ALMS1: variants seen among roughly 807,000 people sequenced by gnomAD.
The protein encoded by ALMS1 is centrosome-associated protein ALMS1.
In ALMS1, 271 loss-of-function variants were observed where a neutral mutation model predicts 352.2. The observed-to-expected ratio is 0.77, with a 90% CI of 0.70 to 0.85. ALMS1 has a LOEUF of 0.85. Among genes scored for constraint, ALMS1 ranks in the 40% least tolerant of loss-of-function variants. The pLI, the probability that ALMS1 is intolerant of heterozygous loss-of-function variation, is 0.00. For missense variants in ALMS1, 5,445 were observed against 4,870.7 expected (o/e 1.12, Z -3.51); for synonymous variants, 1,865 against 1,761.2 (o/e 1.06, Z -1.48).
chr2:73,408,889 T>TC, intron 2 of ALMS1, 142 bp downstream of exon 2: 1 of 781,100 alleles, frequency 1.3e-6, no homozygotes, highest in Non-Finnish European at 1.8e-6. Context: ...TTTTTTTTTT[T>TC]TAAGACAGGG....
At chr2:73,462,943 C>T (rs1296814154) in intron 9 of ALMS1, 1 of 151,954 alleles carries the variant, frequency 6.6e-6, no homozygotes, top group South Asian at 2.1e-4. Flanking sequence ...ACAGGAGCAC[C>T]CAGATTCATA....
rs566907791 is a variant in ALMS1 at position 73,437,906 on chromosome 2, C to G, written c.1432+5615C>G. Among the ~76,000 whole-genome samples the G allele has an allele frequency of 1.9e-4, 29 of 152,218 alleles. No individual in the cohort carries two copies. In the South Asian group the frequency reaches 5.8e-3, roughly 31 times the overall value. Reference sequence around the variant, plus strand: ...CCTCAGATTTCCATCCCATGCTAACCTGTGAAATTATTCAAACAAGCCAAT... The same window carrying G: ...CCTCAGATTTCCATCCCATGCTAACGTGTGAAATTATTCAAACAAGCCAAT... On this transcript the variant is annotated intron_variant, in intron 7 of 22. Coordinates refer to ENST00000613296, the MANE Select transcript of ALMS1 (RefSeq NM_001378454.1).
intron 7 of ALMS1, among the ~76,000 whole-genome samples, chr2:73,439,089 C>G (rs1572924613): frequency 7.5e-5 from 10 of 133,352 alleles, no homozygotes; most frequent in Admixed American, 7.5e-4. Flanking sequence ...TTTCTTCTTT[C>G]TTCTTTCTTT....
At chr2:73,420,583 C>A (rs1341347064) in intron 3 of ALMS1, among the ~76,000 whole-genome samples, 1 of 152,148 alleles carries the variant, frequency 6.6e-6, no homozygotes, top group South Asian at 2.1e-4. Context: ...CCATTTAATA[C>A]TAAAAAAGGC....
chr2:73,579,283 C>T (rs1675122050), intron 16 of ALMS1, among the ~76,000 whole-genome samples: 2 of 151,794 alleles, frequency 1.3e-5, no homozygotes, highest in Non-Finnish European at 2.9e-5. Context: ...TGGTCTTAAA[C>T]TCACGACCTC....
intron 10 of ALMS1, among the ~76,000 whole-genome samples, chr2:73,512,504 A>G (rs1673473883): frequency 6.6e-6 from 1 of 151,798 alleles, no homozygotes; most frequent in Non-Finnish European, 1.5e-5. Context: ...ATGCCCATTT[A>G]CTATCTATAT....
chr2:73,404,009 C>T (rs1018893714), intron 1 of ALMS1, among the ~76,000 whole-genome samples: 2 of 152,176 alleles, frequency 1.3e-5, no homozygotes, highest in Admixed American at 6.5e-5. Flanking sequence ...AAGTGATTCT[C>T]CTGCCTCAGC....
At position 73,473,208 on chromosome 2, in the gene ALMS1, A is replaced by G. The variant is rs937311336; in HGVS notation, c.7675-16426A>G. 2.0e-5 allele frequency among the ~76,000 whole-genome samples: 3 copies of G among 152,022 alleles called. No homozygotes were observed. In the South Asian group the frequency reaches 6.2e-4, roughly 32 times the overall value. On this transcript the variant is annotated intron_variant, in intron 9 of 22. Coordinates refer to ENST00000613296, the MANE Select transcript of ALMS1 (RefSeq NM_001378454.1). ...GATATAGTTGTAAACAGCCTGGCTT[A>G]GTGTTGATGGAATGCCCCAACACAG...
chr2:73,404,912 T>TTTTTTTTC (rs1670943120), intron 1 of ALMS1, among the ~76,000 whole-genome samples: 1 of 130,720 alleles, frequency 7.6e-6, no homozygotes, highest in African/African-American at 3.2e-5. Flanking sequence ...TTTTTTTTTT[T>TTTTTTTTC]TTTTTTTTTT....
rs567427897 is a variant in ALMS1 at position 73,559,663 on chromosome 2, A to C, written c.10384+521A>C. ...AACAGCCTACATAAGGAGAGAAAAG[A>C]GTCAAGGAGCTAAACTACCCATACT... On this transcript the variant is annotated intron_variant, in intron 15 of 22. Transcript: ENST00000613296. Among the ~76,000 whole-genome samples, 3 of 152,332 alleles carry C rather than the reference A, an allele frequency of 2.0e-5. No homozygotes were observed. In the East Asian group the frequency reaches 5.8e-4, roughly 29 times the overall value.
At chr2:73,601,638 T>C (rs1314921026) in intron 19 of ALMS1, among the ~76,000 whole-genome samples, 1 of 152,216 alleles carries the variant, frequency 6.6e-6, no homozygotes, top group Admixed American at 6.5e-5. Context: ...TAACCATAGA[T>C]GGTGCATCAC....
At chr2:73,407,494 T>C (rs535555093) in intron 1 of ALMS1, among the ~76,000 whole-genome samples, 6 of 152,188 alleles carry the variant, frequency 3.9e-5, no homozygotes, top group Non-Finnish European at 8.8e-5. Flanking sequence ...AAGGTGGAGT[T>C]ACTCACCAGA....
At chr2:73,551,634 C>G (rs1674437086) in intron 13 of ALMS1, among the ~76,000 whole-genome samples, 1 of 151,780 alleles carries the variant, frequency 6.6e-6, no homozygotes, top group Non-Finnish European at 1.5e-5. Context: ...TGGGGTTTCA[C>G]CATGTTGGCC....
chr2:73,432,530 A>G (rs1572919814), intron 7 of ALMS1, among the ~76,000 whole-genome samples: 1 of 147,862 alleles, frequency 6.8e-6, no homozygotes, highest in African/African-American at 2.7e-5. Context: ...GGCTGGTTCC[A>G]AGATCAAGTG....
Position 73,453,969 on chromosome 2 carries a change from C to A in ALMS1, c.7442C>A (p.Ala2481Glu). ...GGTAGCAGTGTAGATTCACTGGCTG[C>A]ACATGTGAAAAACCTTCTGCAATGT... ...GGGSSVDSLA[A>E]HVKNLLQCES... The change falls in exon 8 of 23, where the codon GCA (alanine) becomes GAA (glutamate). Residue 2481 changes from alanine to glutamate, a missense_variant. Ala to Glu is a moderately radical substitution (Grantham distance 107). Transcript: ENST00000613296. The A allele has an allele frequency of 1.2e-6, 2 of 1,613,412 alleles. No homozygotes were observed.
chr2:73,452,272 A>G lies in ALMS1; in HGVS notation c.5745A>G (p.Glu1915=), dbSNP rs1671960593. Residue 1915 remains glutamate (E), a synonymous_variant, in exon 8 of 23, where the codon GAA becomes GAG. Coordinates refer to ENST00000613296, the MANE Select transcript of ALMS1 (RefSeq NM_001378454.1). The stretch of plus-strand genomic sequence containing the variant: ...AGCAGGAGTTGCCAGATGTTACTGA[A>G]GAAGCTTTAAATGTTTTTGTTGTTC... ...FHQQELPDVT[E]EALNVFVVPG... The G allele has an allele frequency of 3.1e-6, 5 of 1,614,076 alleles. No individual in the cohort carries two copies. The highest frequency in any genetic ancestry group is 4.2e-6 in the Non-Finnish European group (5 of 1,180,008).
rs767281861 is a variant in ALMS1, at chr2:73,424,419, T to C, written c.765-11T>C. On this transcript the variant is annotated splice_polypyrimidine_tract_variant and intron_variant, in intron 4 of 22. Transcript: ENST00000613296. ...TTATTTATTTATTTATTTTTAACTA[T>C]ATATTTTCAGGGGAATTCCTGATAA... 2 of 1,500,746 alleles carry C rather than the reference T, an allele frequency of 1.3e-6. No homozygotes were observed. The highest frequency in any genetic ancestry group is 4.6e-5 in the East Asian group (2 of 43,348). The allele number at this position is 1,500,746 out of a possible 1,614,324, so 93.0% of individuals were successfully genotyped here.
chr2:73,396,329 C>G (rs1247877964), intron 1 of ALMS1, among the ~76,000 whole-genome samples: 1 of 152,010 alleles, frequency 6.6e-6, no homozygotes, highest in Non-Finnish European at 1.5e-5. Context: ...CACACACACA[C>G]ACACACACAC....
At chr2:73,591,543 T>C (rs1472950473) in intron 16 of ALMS1, among the ~76,000 whole-genome samples, 1 of 152,174 alleles carries the variant, frequency 6.6e-6, no homozygotes, top group Non-Finnish European at 1.5e-5. Context: ...CTTATAAAAA[T>C]TGACAGACCT....
Sources: gnomAD v4.1 joint callset for allele counts (sites outside exome capture counted in the v4.1 genomes callset) on GRCh38, gnomAD v4.1.1 for gene constraint, MANE v1.5 for transcripts, NCBI Gene and HGNC (gene_info 2026-07-23, HGNC 2026-07-21) for gene names.